The following FAM120C variants were observed in gnomAD, a reference collection of about 807,000 sequenced individuals.
FAM120C encodes constitutive coactivator of PPAR-gamma-like protein 2.
FAM120C carries 14 observed loss-of-function variants against 71.2 expected under a neutral mutation model. The ratio of observed to expected loss-of-function variants is 0.20; its 90% CI spans 0.13 to 0.31. The LOEUF (loss-of-function observed/expected upper bound fraction) is 0.31. Ranked by LOEUF, FAM120C falls within the 10% of genes least tolerant of loss-of-function variation. The probability of loss-of-function intolerance (pLI) is 1.00; values close to 1 mark genes in which losing one functional copy is unlikely to be tolerated. For synonymous variants in FAM120C, 354 were observed against 353.2 expected (o/e 1.00, Z -0.03); for missense variants, 500 against 879.0 (o/e 0.57, Z 5.45).
At chrX:54,145,247 T>C (rs2067148843) in intron 4 of FAM120C, among the ~76,000 whole-genome samples, 1 of 112,073 alleles carries the variant, frequency 8.9e-6, no homozygotes, top group Admixed American at 9.6e-5. Flanking sequence ...ATTCAGGACA[T>C]AGGCATGGGC....
At chrX:54,155,663 TAA>T (rs34697691) in intron 3 of FAM120C, among the ~76,000 whole-genome samples, 1 of 106,341 alleles carries the variant, frequency 9.4e-6, no homozygotes, top group African/African-American at 3.4e-5. Context: ...GAGGCTTTTT[TAA>T]AAAAAAAATA....
At chrX:54,160,359 C>T (rs2067230176) in intron 1 of FAM120C, among the ~76,000 whole-genome samples, 2 of 111,133 alleles carry the variant, frequency 1.8e-5, no homozygotes, top group African/African-American at 6.5e-5. Flanking sequence ...AGAAACTACA[C>T]CCCATTTTAG....
intron 4 of FAM120C, among the ~76,000 whole-genome samples, chrX:54,142,165 G>A (rs782550829): frequency 2.7e-5 from 3 of 112,210 alleles, no homozygotes; most frequent in African/African-American, 9.7e-5. Context: ...CTCCCAGCGT[G>A]AGCGACACAA....
intron 10 of FAM120C, among the ~76,000 whole-genome samples, chrX:54,107,972 T>C (rs1215024722): frequency 7.0e-5 from 7 of 99,536 alleles, no homozygotes; most frequent in East Asian, 3.2e-4. Flanking sequence ...ATTATATCCA[T>C]TTATGGTGAG....
At chrX:54,113,595 T>C (rs960285260) in intron 10 of FAM120C, among the ~76,000 whole-genome samples, 1 of 109,909 alleles carries the variant, frequency 9.1e-6, no homozygotes, top group Non-Finnish European at 1.9e-5. Context: ...TTGCAAAATA[T>C]GTATCCAACA....
At chrX:54,128,049 A>C (rs1280033856) in intron 9 of FAM120C, among the ~76,000 whole-genome samples, 3 of 111,348 alleles carry the variant, frequency 2.7e-5, no homozygotes, top group African/African-American at 9.8e-5. Flanking sequence ...ACAGTATATA[A>C]GCATCCCCTT....
At position 54,112,840 on chromosome X, in the gene FAM120C, CA is replaced by C. The variant is rs201361878; in HGVS notation, c.2312+3704del. Among the ~76,000 whole-genome samples the C allele has an allele frequency of 2.0e-3, 144 of 73,370 alleles. 1 individual carries two copies. The highest frequency in any genetic ancestry group is 0.011 in the East Asian group (26 of 2,306). The allele number at this position is 73,370 out of a possible 115,157, so 63.7% of individuals were successfully genotyped here. A position where few individuals can be genotyped will look rare whatever the true frequency, so the allele number is the denominator to read the frequency against. Reference sequence around the variant, plus strand: ...TGGGTGACAGAGTGAGACTCTGTCTCAAAAAAAAAAAAAAAATACAAAATAC... The same window carrying C: ...TGGGTGACAGAGTGAGACTCTGTCTCAAAAAAAAAAAAAAATACAAAATAC... On this transcript the variant is annotated intron_variant, in intron 10 of 15. Coordinates refer to ENST00000375180, the MANE Select transcript of FAM120C (RefSeq NM_017848.6).
At chrX:54,147,988 C>T (rs1172480467) in intron 4 of FAM120C, among the ~76,000 whole-genome samples, 1 of 111,558 alleles carries the variant, frequency 9.0e-6, no homozygotes, top group Non-Finnish European at 1.9e-5. Context: ...TGAGCCACCA[C>T]GTCCGGCCAA....
chrX:54,167,584 G>A (rs1385572415), intron 1 of FAM120C, among the ~76,000 whole-genome samples: 1 of 110,917 alleles, frequency 9.0e-6, no homozygotes. Flanking sequence ...AGAAGTTATG[G>A]AGCACAGGGT....
chrX:54,154,353 A>G (rs1195685947), intron 3 of FAM120C, among the ~76,000 whole-genome samples: 2 of 109,607 alleles, frequency 1.8e-5, no homozygotes, highest in African/African-American at 6.7e-5. Context: ...CACACCTGTA[A>G]TCCAGCACTT....
At chrX:54,098,042 T>TTC (rs1569531754) in intron 10 of FAM120C, among the ~76,000 whole-genome samples, 1 of 81,899 alleles carries the variant, frequency 1.2e-5, no homozygotes, top group East Asian at 4.6e-4. Flanking sequence ...TTTATATTAC[T>TTC]TTTTTTTTTT....
At chrX:54,128,255 C>T (rs920954102) in intron 9 of FAM120C, among the ~76,000 whole-genome samples, 12 of 110,826 alleles carry the variant, frequency 1.1e-4, no homozygotes, top group African/African-American at 2.3e-4. Flanking sequence ...AGACGGGTTT[C>T]GTCATGTTGG....
At chrX:54,131,764 C>CTTTT (rs1159999310) in intron 9 of FAM120C, among the ~76,000 whole-genome samples, 3 of 101,193 alleles carry the variant, frequency 3.0e-5, no homozygotes, top group African/African-American at 1.2e-4. Flanking sequence ...TTCTTTCTTT[C>CTTTT]TTTTTTTTTT....
intron 10 of FAM120C, among the ~76,000 whole-genome samples, chrX:54,106,428 TA>T (rs1463564555): frequency 8.9e-6 from 1 of 112,055 alleles, no homozygotes; most frequent in Non-Finnish European, 1.9e-5. Context: ...ATTAAAGACT[TA>T]AACATAAGAC....
At chrX:54,079,818 G>T (rs2066755811) in intron 15 of FAM120C, among the ~76,000 whole-genome samples, 1 of 110,730 alleles carries the variant, frequency 9.0e-6, no homozygotes, top group African/African-American at 3.3e-5. Flanking sequence ...AAGCAGAATG[G>T]TAACGCTCCC....
rs782331214 is a variant in FAM120C, at chrX:54,134,057, T to C, written c.1617-11A>G. On this transcript the variant is annotated splice_polypyrimidine_tract_variant and intron_variant, in intron 7 of 15. Transcript: ENST00000375180. The stretch of plus-strand genomic sequence containing the variant: ...GCTTCTGTGATATGACTAAAAAATG[T>C]AGAAAGACAGTGTCAAACAGAAAAG... 1.7e-6 allele frequency: 2 copies of C among 1,202,432 alleles called. No individual in the cohort carries two copies. The highest frequency in any genetic ancestry group is 3.0e-5 in the East Asian group (1 of 33,767).
At chrX:54,138,463 G>A (rs896655983) in intron 4 of FAM120C, among the ~76,000 whole-genome samples, 2 of 88,742 alleles carry the variant, frequency 2.3e-5, no homozygotes, top group South Asian at 6.7e-4. Flanking sequence ...TTGTGCCACC[G>A]CACTCCAGCC....
At chrX:54,173,049 A>G (rs1306062072) in intron 1 of FAM120C, among the ~76,000 whole-genome samples, 1 of 112,532 alleles carries the variant, frequency 8.9e-6, no homozygotes, top group Non-Finnish European at 1.9e-5. Flanking sequence ...TGTTTATAAC[A>G]TAATTTCTGT....
At position 54,080,339 on chromosome X, in the gene FAM120C, A is replaced by C. The variant is rs782070139; in HGVS notation, c.2979-50T>G. 20 of 1,008,271 alleles carry C rather than the reference A, an allele frequency of 2.0e-5. No individual in the cohort carries two copies. In the South Asian group the frequency reaches 3.0e-4, roughly 15 times the overall value. The allele number at this position is 1,008,271 out of a possible 1,213,427, so 83.1% of individuals were successfully genotyped here. On this transcript the variant is annotated intron_variant, in intron 14 of 15. Coordinates refer to ENST00000375180, the MANE Select transcript of FAM120C (RefSeq NM_017848.6). ...ATCATGAGAAACATAAAGCCCACAC[A>C]CCCCTTTTCACTTGGTTAACTATTC...
Sources: allele counts gnomAD v4.1 joint callset (sites outside exome capture counted in the v4.1 genomes callset), GRCh38; gene constraint gnomAD v4.1.1; transcripts MANE v1.5; gene names NCBI Gene and HGNC (gene_info 2026-07-23, HGNC 2026-07-21).